The following ADGRB3 variants were observed in gnomAD, a reference collection of about 807,000 sequenced individuals.
ADGRB3 encodes brain-specific angiogenesis inhibitor 3.
ADGRB3 carries 37 observed loss-of-function variants against 193.4 expected under a neutral mutation model. That is an observed-to-expected ratio of 0.19 (90% confidence interval 0.15 to 0.25). The LOEUF is 0.25. Among genes scored for constraint, ADGRB3 ranks in the 10% least tolerant of loss-of-function variants. The pLI is 1.00. For synonymous variants in ADGRB3, 690 were observed against 644.2 expected (o/e 1.07, Z -1.08); for missense variants, 1,637 against 1,852.9 (o/e 0.88, Z 2.14).
chr6:68,709,269 C>A lies in ADGRB3; in HGVS notation c.757+69837C>A, dbSNP rs534767960. Among the ~76,000 whole-genome samples the A allele has an allele frequency of 2.6e-5, 4 of 152,204 alleles. No individual in the cohort carries two copies. In the East Asian group the frequency reaches 7.7e-4, roughly 29 times the overall value. On this transcript the variant is annotated intron_variant, in intron 3 of 31. Coordinates refer to ENST00000370598, the MANE Select transcript of ADGRB3 (RefSeq NM_001704.3). ...TTCCATTGGTCACACTGATTTCTTTCTTTTCCGGTTGAGATGGAGTGCTGC... is the reference window on the plus strand; with the variant it reads ...TTCCATTGGTCACACTGATTTCTTTATTTTCCGGTTGAGATGGAGTGCTGC...
chr6:69,114,734 G>C (rs1773476824), intron 17 of ADGRB3, among the ~76,000 whole-genome samples: 1 of 152,098 alleles, frequency 6.6e-6, no homozygotes. Flanking sequence ...CATATGACTA[G>C]CCAGTTTTCC....
intron 20 of ADGRB3, among the ~76,000 whole-genome samples, chr6:69,264,641 T>C (rs1289710858): frequency 6.6e-6 from 1 of 151,832 alleles, no homozygotes; most frequent in Non-Finnish European, 1.5e-5. Context: ...CTAGGTCTTC[T>C]CAGAAATATA....
intron 3 of ADGRB3, among the ~76,000 whole-genome samples, chr6:68,663,680 G>A (rs1038689823): frequency 2.6e-5 from 4 of 151,758 alleles, no homozygotes; most frequent in African/African-American, 9.7e-5. Flanking sequence ...TTGAAGCTTT[G>A]AATAGAAATA....
rs867666860 is a variant in ADGRB3 at position 69,376,045 on chromosome 6, T to G, written c.4275+3604T>G. 3.5e-4 allele frequency among the ~76,000 whole-genome samples: 49 copies of G among 140,052 alleles called. 1 individual carries two copies. The Middle Eastern group carries it at 0.012, about 33-fold the overall frequency. The allele number at this position is 140,052 out of a possible 152,430, so 91.9% of individuals were successfully genotyped here. On this transcript the variant is annotated intron_variant, in intron 30 of 31. Transcript: ENST00000370598. ...ATCTTCACTTCCAAAAATGCAGAGA[T>G]AAAAATTTTCACAGTTTTCCATGAA...
chr6:69,251,118 G>C (rs999442430), intron 20 of ADGRB3, among the ~76,000 whole-genome samples: 1 of 152,192 alleles, frequency 6.6e-6, no homozygotes, highest in Admixed American at 6.5e-5. Flanking sequence ...TTACTAGCAA[G>C]ACCAGTTTCA....
chr6:68,939,381 C>G (rs1360763304), intron 5 of ADGRB3, among the ~76,000 whole-genome samples: 2 of 152,060 alleles, frequency 1.3e-5, no homozygotes, highest in Non-Finnish European at 2.9e-5. Context: ...ACCCTTACAC[C>G]TACAGAACTG....
chr6:68,748,847 C>T (rs1477612519), intron 3 of ADGRB3, among the ~76,000 whole-genome samples: 4 of 152,210 alleles, frequency 2.6e-5, no homozygotes, highest in Non-Finnish European at 4.4e-5. Context: ...GGCATCCAGG[C>T]GTTTCCACAC....
intron 28 of ADGRB3, 93 bp downstream of exon 28, chr6:69,355,953 T>C: frequency 9.1e-7 from 1 of 1,093,830 alleles, no homozygotes; most frequent in Non-Finnish European, 1.3e-6. Context: ...GGTTTACACA[T>C]TACATATTGT....
chr6:69,007,262 T>A (rs891528455), intron 11 of ADGRB3, among the ~76,000 whole-genome samples: 1 of 152,148 alleles, frequency 6.6e-6, no homozygotes, highest in African/African-American at 2.4e-5. Flanking sequence ...TAAGACAAAC[T>A]GAATTCTAAC....
At chr6:68,936,727 A>T (rs1222882240) in intron 5 of ADGRB3, 47 bp downstream of exon 5, 1 of 1,571,336 alleles carries the variant, frequency 6.4e-7, no homozygotes, top group Non-Finnish European at 8.7e-7. Flanking sequence ...GAATTGTGTC[A>T]TGCTACGCAT....
chr6:69,247,729 AC>A (rs1271399917), intron 20 of ADGRB3, among the ~76,000 whole-genome samples: 1 of 152,144 alleles, frequency 6.6e-6, no homozygotes, highest in Non-Finnish European at 1.5e-5. Context: ...GGATTTAAAA[AC>A]CATTAATACT....
intron 17 of ADGRB3, among the ~76,000 whole-genome samples, chr6:69,076,866 C>G (rs1022195800): frequency 1.3e-4 from 20 of 151,878 alleles, no homozygotes; most frequent in Admixed American, 1.3e-3. Context: ...TGTATGTATT[C>G]TAAGAATTTT....
intron 11 of ADGRB3, among the ~76,000 whole-genome samples, chr6:69,002,977 C>T (rs1211736275): frequency 6.6e-6 from 1 of 152,118 alleles, no homozygotes; most frequent in East Asian, 1.9e-4. Flanking sequence ...CTTGCTCTGA[C>T]CTTCAAGATG....
Position 69,018,293 on chromosome 6 carries a change from G to A in ADGRB3, c.1999-98G>A, listed in dbSNP as rs1050080514. 6 of 678,232 alleles carry A rather than the reference G, an allele frequency of 8.8e-6. No homozygotes were observed. The African/African-American group carries it at 1.1e-4, about 12-fold the overall frequency. 42.0% of individuals were successfully genotyped at this position (678,232 alleles called of 1,614,324 possible). On this transcript the variant is annotated intron_variant, in intron 12 of 31. Coordinates refer to ENST00000370598, the MANE Select transcript of ADGRB3 (RefSeq NM_001704.3). ...GTAGATTTTTTTGAAGTGAAACAAA[G>A]CTCATTTGTGATTTCATGTAGTTTA...
At chr6:69,261,789 G>A (rs1351231236) in intron 20 of ADGRB3, among the ~76,000 whole-genome samples, 1 of 151,876 alleles carries the variant, frequency 6.6e-6, no homozygotes, top group Non-Finnish European at 1.5e-5. Flanking sequence ...TCTGAGCAAA[G>A]GAAAGTTTTA....
intron 10 of ADGRB3, among the ~76,000 whole-genome samples, chr6:68,989,495 C>G (rs984022205): frequency 2.6e-5 from 4 of 152,052 alleles, no homozygotes; most frequent in Non-Finnish European, 5.9e-5. Flanking sequence ...ATGAGAAACA[C>G]TATATAGCTA....
At chr6:68,820,324 T>A (rs1463699198) in intron 3 of ADGRB3, among the ~76,000 whole-genome samples, 1 of 152,020 alleles carries the variant, frequency 6.6e-6, no homozygotes, top group Non-Finnish European at 1.5e-5. Context: ...CTAATTTTTC[T>A]TTTGTTAATT....
chr6:69,272,441 T>A (rs2127279894), intron 20 of ADGRB3, among the ~76,000 whole-genome samples: 1 of 152,176 alleles, frequency 6.6e-6, no homozygotes, highest in East Asian at 1.9e-4. Flanking sequence ...GGACATGAAA[T>A]TAGAAAAGTA....
intron 10 of ADGRB3, among the ~76,000 whole-genome samples, chr6:68,987,870 G>A (rs1336641): frequency 0.56 from 85,677 of 151,904 alleles, 24,474 homozygotes; most frequent in East Asian, 0.68. Flanking sequence ...TCTAAAGGTA[G>A]CAAGTATATA....
Sources: gnomAD v4.1 joint callset for allele counts (sites outside exome capture counted in the v4.1 genomes callset) on GRCh38, gnomAD v4.1.1 for gene constraint, MANE v1.5 for transcripts, NCBI Gene and HGNC (gene_info 2026-07-23, HGNC 2026-07-21) for gene names.